Variants in RBBP9 observed in about 807,000 individuals in gnomAD.
RBBP9 encodes serine hydrolase RBBP9.
Under a neutral mutation model 24.2 loss-of-function variants are expected in RBBP9, and 20 were observed. The ratio of observed to expected loss-of-function variants is 0.83; its 90% confidence interval spans 0.58 to 1.20. RBBP9 has a LOEUF of 1.20. Ranked by LOEUF, RBBP9 falls within the 50% of genes most tolerant of loss-of-function variation. The probability of loss-of-function intolerance (pLI) is 0.00; values close to 1 mark genes in which losing one functional copy is unlikely to be tolerated. For synonymous variants in RBBP9, 74 were observed against 84.6 expected, an observed-to-expected ratio of 0.87 and a Z score of 0.69; for missense variants, 234 against 233.6, an observed-to-expected ratio of 1.00 and a Z score of -0.01.
rs995201489 is a variant in RBBP9 at position 18,497,064 on chromosome 20, C to A, written c.99+5G>T. ...CTTCACGGAGCAGCGGCGTTGGGCG[C>A]TTACCTTCTCCAGCTCCTTTTTCAC... is the stretch of plus-strand genomic sequence containing the variant. On this transcript the variant is annotated splice_donor_5th_base_variant and intron_variant, in intron 1 of 4. Coordinates refer to ENST00000337227, the MANE Select transcript of RBBP9 (RefSeq NM_006606.3). The A allele has an allele frequency of 6.2e-7, 1 of 1,613,366 alleles. No individual in the cohort carries two copies. The highest frequency in any genetic ancestry group is 8.5e-7 in the Non-Finnish European group (1 of 1,179,324).
rs1326295947 is a variant in RBBP9 at position 18,487,496 on chromosome 20, A to C, written c.*2268T>G. 6.6e-6 allele frequency: 1 copy of C among 152,210 alleles called. No homozygotes were observed. The highest frequency in any genetic ancestry group is 1.5e-5 in the Non-Finnish European group (1 of 68,046). The allele number at this position is 152,210 out of a possible 1,614,324, so 9.4% of individuals were successfully genotyped here. A position where few individuals can be genotyped will look rare whatever the true frequency, so the allele number is the denominator to read the frequency against. On this transcript the variant is annotated 3_prime_UTR_variant, in exon 5 of 5. Coordinates refer to ENST00000337227, the MANE Select transcript of RBBP9 (RefSeq NM_006606.3). ...AAGTAGAATCAAACTTTGACTATAG[A>C]TTTGGTCAAATTAGTGCTAAACAGC... is the stretch of plus-strand genomic sequence containing the variant.
intron 4 of RBBP9, among the ~76,000 whole-genome samples, 187 bp from the exon 5 acceptor site, chr20:18,490,177 T>C (rs1227768948): frequency 1.3e-5 from 2 of 152,192 alleles, no homozygotes; most frequent in East Asian, 1.9e-4. Context: ...AGGTGGTATA[T>C]GGTTCAACTA....
Position 18,489,790 on chromosome 20 carries a change from T to A in RBBP9, c.535A>T (p.Lys179Ter). The A allele has an allele frequency of 2.5e-6, 4 of 1,612,782 alleles. 1 individual carries two copies. ...TEFHELITVVKSLLKVPA is the reference protein window; with the variant it reads ...TEFHELITVV ...TATGCTGGTACTTTCAGCAAAGACT[T>A]TACAACAGTAATCAGTTCATGAAAC... The change falls in exon 5 of 5, where the codon AAG becomes TAG. Residue 179 changes from lysine (K) to a stop codon, truncating the protein, a stop_gained. Transcript: ENST00000337227. LOFTEE classifies it high-confidence loss of function.
chr20:18,492,083 G>A lies in RBBP9; in HGVS notation c.249-1603C>T, dbSNP rs1229591742. On this transcript the variant is annotated intron_variant, in intron 3 of 4. Transcript: ENST00000337227. The stretch of plus-strand genomic sequence containing the variant: ...CTGCACTCCAGCCCGGGCAACAGAG[G>A]GAGGCTCTGTCTCAAAAAAAAAAAA... 8.7e-5 allele frequency among the ~76,000 whole-genome samples: 12 copies of A among 137,370 alleles called. No homozygotes were observed. The East Asian group carries it at 2.5e-3, about 28-fold the overall frequency. The allele number at this position is 137,370 out of a possible 152,430, so 90.1% of individuals were successfully genotyped here.
intron 1 of RBBP9, 125 bp from the exon 2 acceptor site, chr20:18,496,005 G>T: frequency 7.2e-6 from 6 of 827,950 alleles, no homozygotes; most frequent in Non-Finnish European, 1.1e-5. Flanking sequence ...GTTATGAAAT[G>T]AAGTAGGTTA....
intron 1 of RBBP9, among the ~76,000 whole-genome samples, chr20:18,496,586 A>AT (rs2059887569): frequency 6.6e-6 from 1 of 152,224 alleles, no homozygotes; most frequent in Non-Finnish European, 1.5e-5. Context: ...ATGGGTAGAC[A>AT]TAAGGGTCGT....
chr20:18,490,766 A>G (rs1171935152), intron 3 of RBBP9, among the ~76,000 whole-genome samples: 4 of 150,236 alleles, frequency 2.7e-5, no homozygotes, highest in African/African-American at 7.4e-5. Context: ...TGCAACCTCC[A>G]CCTCCTGGGT....
chr20:18,492,887 C>A (rs998229331), intron 3 of RBBP9, among the ~76,000 whole-genome samples: 1 of 152,178 alleles, frequency 6.6e-6, no homozygotes, highest in African/African-American at 2.4e-5. Flanking sequence ...TTCAATAATA[C>A]AAGGAGCTCT....
chr20:18,488,326 T>TG lies in RBBP9; in HGVS notation c.*1437dup. 6.6e-6 allele frequency: 1 copy of TG among 152,076 alleles called. No individual in the cohort carries two copies. Among genetic ancestry groups the TG allele is most frequent in the East Asian group, 1.9e-4 (1 of 5,186 alleles). 9.4% of individuals were successfully genotyped at this position (152,076 alleles called of 1,614,324 possible). A position where few individuals can be genotyped will look rare whatever the true frequency, so the allele number is the denominator to read the frequency against. On this transcript the variant is annotated 3_prime_UTR_variant, in exon 5 of 5. Transcript: ENST00000337227. ...CTCCATCACCCAGGATGGAGTACAGTGGCGCGATCATAGCTCACTGAAGGC... is the reference window on the plus strand; with the variant it reads ...CTCCATCACCCAGGATGGAGTACAGTGGGCGCGATCATAGCTCACTGAAGGC...
At position 18,494,016 on chromosome 20, in the gene RBBP9, G is replaced by C. The variant is rs887413150; in HGVS notation, c.190C>G (p.His64Asp). ...ATGATGATAGTCTTCTCATCACAGT[G>C]CAGCTCTGTCTCCATGAAGGGCAGC... ...IWLPFMETEL[H>D]CDEKTIIIGH... is the part of the protein sequence containing the mutation. Residue 64 changes from histidine to aspartate, a missense_variant, in exon 3 of 5, where the codon CAC becomes GAC. His to Asp is a moderately conservative substitution (Grantham distance 81). Coordinates refer to ENST00000337227, the MANE Select transcript of RBBP9 (RefSeq NM_006606.3). The C allele has an allele frequency of 6.2e-7, 1 of 1,613,760 alleles. No homozygotes were observed. Among genetic ancestry groups the C allele is most frequent in the Admixed American group, 1.7e-5 (1 of 59,904 alleles).
In RBBP9 at chr20:18,489,649, T is replaced by G; in HGVS notation, c.*115A>C. ...TAGATTGAATGTTGAAACTTGTGTT[T>G]GTTTTTCAGGCACTTACGGAACTTA... On this transcript the variant is annotated 3_prime_UTR_variant, in exon 5 of 5. Coordinates refer to ENST00000337227, the MANE Select transcript of RBBP9 (RefSeq NM_006606.3). 1 of 674,250 alleles carries G rather than the reference T, an allele frequency of 1.5e-6. No homozygotes were observed. Among genetic ancestry groups the G allele is most frequent in the East Asian group, 2.8e-5 (1 of 36,240 alleles). 41.8% of individuals were successfully genotyped at this position (674,250 alleles called of 1,614,324 possible). A position where few individuals can be genotyped will look rare whatever the true frequency, so the allele number is the denominator to read the frequency against.
chr20:18,494,101 T>C (rs1456463962), intron 2 of RBBP9, 38 bp from the exon 3 acceptor site: 4 of 1,539,650 alleles, frequency 2.6e-6, no homozygotes, highest in East Asian at 4.5e-5. Context: ...TGTCATTTGA[T>C]AGTGGCAGTC....
intron 2 of RBBP9, among the ~76,000 whole-genome samples, chr20:18,495,101 T>C (rs1182154223): frequency 1.3e-5 from 2 of 150,328 alleles, no homozygotes; most frequent in Admixed American, 6.7e-5. Context: ...CAACAGCTCA[T>C]TGAGAACGGG....
intron 1 of RBBP9, among the ~76,000 whole-genome samples, chr20:18,496,489 G>C (rs1037959615): frequency 6.6e-6 from 1 of 152,198 alleles, no homozygotes; most frequent in Non-Finnish European, 1.5e-5. Context: ...ACAGTCTGTT[G>C]TTTAAAAGGT....
rs775750655 is a variant in RBBP9 at position 18,490,450 on chromosome 20, A to C, written c.279T>G (p.Ile93Met). Residue 93 changes from isoleucine (I) to methionine (M), a missense_variant, in exon 4 of 5, where the codon ATT (isoleucine) becomes ATG (methionine). Coordinates refer to ENST00000337227, the MANE Select transcript of RBBP9 (RefSeq NM_006606.3). Reference sequence around the variant, plus strand: ...CTGATGTGTACGCAGACACTAATACAATAGCATATACTCGATGTGTTTCTG... The same window carrying C: ...CTGATGTGTACGCAGACACTAATACCATAGCATATACTCGATGTGTTTCTG... Reference protein sequence around the residue: ...RYAETHRVYAIVLVSAYTSDL... With the variant: ...RYAETHRVYAMVLVSAYTSDL... The C allele has an allele frequency of 1.9e-6, 3 of 1,613,656 alleles. No individual in the cohort carries two copies. The Admixed American group carries it at 5.0e-5, about 27-fold the overall frequency.
intron 3 of RBBP9, among the ~76,000 whole-genome samples, chr20:18,492,638 C>T (rs965872216): frequency 1.3e-5 from 2 of 152,164 alleles, no homozygotes; most frequent in African/African-American, 2.4e-5. Context: ...CACGATTTCC[C>T]TTTCATGATT....
chr20:18,490,342 A>G, intron 4 of RBBP9, 53 bp downstream of exon 4: 2 of 1,418,120 alleles, frequency 1.4e-6, no homozygotes, highest in African/African-American at 1.4e-5. Context: ...ACCTAAACAG[A>G]CAGCCCCATG....
intron 3 of RBBP9, among the ~76,000 whole-genome samples, chr20:18,492,262 A>G (rs939061723): frequency 6.6e-6 from 1 of 152,132 alleles, no homozygotes; most frequent in Non-Finnish European, 1.5e-5. Flanking sequence ...ATCTGTATTC[A>G]TTTTTCCCCA....
In RBBP9 at chr20:18,497,215, G is replaced by A. The variant is rs1312217579; in HGVS notation, c.-48C>T. ...CCCAGCGCGGGTCCAGCGGAGCTGA[G>A]CCCAGCCTGCTCCCGCAGGGAGCCT... On this transcript the variant is annotated 5_prime_UTR_variant, in exon 1 of 5. Transcript: ENST00000337227. The A allele has an allele frequency of 1.4e-6, 2 of 1,477,860 alleles. No individual in the cohort carries two copies. The highest frequency in any genetic ancestry group is 2.3e-5 in the South Asian group (2 of 87,322). 91.5% of individuals were successfully genotyped at this position (1,477,860 alleles called of 1,614,324 possible). A position where few individuals can be genotyped will look rare whatever the true frequency, so the allele number is the denominator to read the frequency against.
Sources: allele counts gnomAD v4.1 joint callset (sites outside exome capture counted in the v4.1 genomes callset), GRCh38; gene constraint gnomAD v4.1.1; transcripts MANE v1.5; gene names NCBI Gene and HGNC (gene_info 2026-07-23, HGNC 2026-07-21).